EMP2: variants seen among roughly 807,000 people sequenced by gnomAD.
EMP2 encodes the protein epithelial membrane protein 2.
A neutral mutation model predicts 13.7 loss-of-function variants in EMP2; 19 were observed. The observed-to-expected ratio is 1.38, with a 90% CI of 0.97 to 2.03. The LOEUF (loss-of-function observed/expected upper bound fraction) is 2.03, where lower values mean the gene tolerates loss of function less well. Ranked by LOEUF, EMP2 falls within the 30% of genes most tolerant of loss-of-function variation. EMP2 has a pLI of 0.00. For synonymous variants in EMP2, 97 were observed against 84.7 expected (o/e 1.15, Z -0.80); for missense variants, 253 against 220.7 (o/e 1.15, Z -0.93).
At position 10,532,735 on chromosome 16, in the gene EMP2, T is replaced by G; in HGVS notation, c.*170A>C. The G allele has an allele frequency of 1.4e-5, 7 of 508,270 alleles. 1 individual carries two copies. Among genetic ancestry groups the G allele is most frequent in the African/African-American group, 3.0e-5 (1 of 33,120 alleles). 31.5% of individuals were successfully genotyped at this position (508,270 alleles called of 1,614,324 possible). On this transcript the variant is annotated 3_prime_UTR_variant, in exon 5 of 5. Coordinates refer to ENST00000359543, the MANE Select transcript of EMP2 (RefSeq NM_001424.6). ...CAAGAATGCAAAAACTCTTCTCTCT[T>G]TTGGATTTTTTTTTTCTTTTTTCTT...
At chr16:10,579,277 G>A (rs958778035) in intron 1 of EMP2, among the ~76,000 whole-genome samples, 10 of 152,304 alleles carry the variant, frequency 6.6e-5, no homozygotes, top group African/African-American at 2.4e-4. Flanking sequence ...ATTCCAGGAA[G>A]AGGTGCCCAG....
chr16:10,540,910 A>G (rs569082704), intron 3 of EMP2, among the ~76,000 whole-genome samples: 1 of 152,174 alleles, frequency 6.6e-6, no homozygotes, highest in East Asian at 1.9e-4. Context: ...CAACATGGTA[A>G]AACCCTGTCT....
Position 10,571,833 on chromosome 16 carries a change from C to G in EMP2, c.-61+8716G>C, listed in dbSNP as rs193072074. On this transcript the variant is annotated intron_variant, in intron 1 of 4. Coordinates refer to ENST00000359543, the MANE Select transcript of EMP2 (RefSeq NM_001424.6). ...TGAAGAGACAGAGGACTGCTCCAGGCTTCCACTGTAAGCCAGTGATGGGCG... is the reference window on the plus strand; with the variant it reads ...TGAAGAGACAGAGGACTGCTCCAGGGTTCCACTGTAAGCCAGTGATGGGCG... Among the ~76,000 whole-genome samples, 27 of 152,314 alleles carry G rather than the reference C, an allele frequency of 1.8e-4. No individual in the cohort carries two copies. The East Asian group carries it at 2.7e-3, about 15-fold the overall frequency.
At chr16:10,552,144 C>T (rs1455158357) in intron 1 of EMP2, among the ~76,000 whole-genome samples, 1 of 145,970 alleles carries the variant, frequency 6.9e-6, no homozygotes, top group Non-Finnish European at 1.5e-5. Flanking sequence ...TTAATAGATG[C>T]ATTTCTGACC....
At chr16:10,537,342 C>T (rs1464333152) in intron 4 of EMP2, among the ~76,000 whole-genome samples, 2 of 152,218 alleles carry the variant, frequency 1.3e-5, no homozygotes, top group Non-Finnish European at 2.9e-5. Flanking sequence ...CCTTGTTCAT[C>T]TCTTGAGCCC....
At chr16:10,558,785 A>C (rs2050851033) in intron 1 of EMP2, among the ~76,000 whole-genome samples, 1 of 152,012 alleles carries the variant, frequency 6.6e-6, no homozygotes, top group Admixed American at 6.6e-5. Flanking sequence ...TTTACGTGCC[A>C]GGGAACAAGA....
chr16:10,569,449 C>T (rs1474529793), intron 1 of EMP2, among the ~76,000 whole-genome samples: 3 of 152,142 alleles, frequency 2.0e-5, no homozygotes, highest in Non-Finnish European at 4.4e-5. Flanking sequence ...CCTTTTGCCT[C>T]AGCCTCCTAC....
intron 1 of EMP2, among the ~76,000 whole-genome samples, chr16:10,569,016 G>A (rs2050929144): frequency 6.6e-6 from 1 of 152,136 alleles, no homozygotes; most frequent in Non-Finnish European, 1.5e-5. Context: ...TAGAACTCCT[G>A]ACCTCAGGTG....
intron 3 of EMP2, 144 bp downstream of exon 3, chr16:10,543,424 GCA>G: frequency 1.2e-6 from 1 of 861,810 alleles, no homozygotes; most frequent in South Asian, 1.6e-5. Context: ...CTCCGCTCCA[GCA>G]CACACTGAGC....
rs549322939 is a variant in EMP2 at position 10,575,352 on chromosome 16, C to G, written c.-61+5197G>C. 3.3e-3 allele frequency among the ~76,000 whole-genome samples: 477 copies of G among 146,546 alleles called. 4 individuals are homozygous for G. The highest frequency in any genetic ancestry group is 3.6e-3 in the Non-Finnish European group (240 of 66,920). On this transcript the variant is annotated intron_variant, in intron 1 of 4. Coordinates refer to ENST00000359543, the MANE Select transcript of EMP2 (RefSeq NM_001424.6). ...CACTGCAAGCTCCGCCTCCCGGGTT[C>G]ACGCCATTTTCCTGCCTCAGCCTCC...
chr16:10,569,739 A>G (rs2050933858), intron 1 of EMP2, among the ~76,000 whole-genome samples: 1 of 152,232 alleles, frequency 6.6e-6, no homozygotes, highest in African/African-American at 2.4e-5. Flanking sequence ...CATCGCCTGT[A>G]TGCTACAGGA....
chr16:10,573,581 C>T (rs2050962479), intron 1 of EMP2, among the ~76,000 whole-genome samples: 1 of 152,204 alleles, frequency 6.6e-6, no homozygotes, highest in South Asian at 2.1e-4. Flanking sequence ...CACACCTGCA[C>T]AACCTCCATT....
chr16:10,579,011 C>A (rs1419557281), intron 1 of EMP2, among the ~76,000 whole-genome samples: 1 of 152,252 alleles, frequency 6.6e-6, no homozygotes, highest in Non-Finnish European at 1.5e-5. Flanking sequence ...AGGTCTAGTT[C>A]TTTGCATTTA....
In EMP2 at chr16:10,532,959, G is replaced by A. The variant is rs767283646; in HGVS notation, c.450C>T (p.Phe150=). The A allele has an allele frequency of 3.0e-5, 49 of 1,608,214 alleles. No individual in the cohort carries two copies. Among genetic ancestry groups the A allele is most frequent in the South Asian group, 1.7e-4 (15 of 89,790 alleles). Residue 150 remains phenylalanine (F), a synonymous_variant, in exon 5 of 5, where the codon TTC becomes TTT. Transcript: ENST00000359543. ...TCATGCCGCTGATGAAGGTGCAGGC[G>A]AAGGCCACCCACGCCAGGATGTAGG... ...GYSYILAWVA[F]ACTFISGMMY...
chr16:10,532,958 C>A lies in EMP2; in HGVS notation c.451G>T (p.Ala151Ser), dbSNP rs143506635. 1.2e-6 allele frequency: 2 copies of A among 1,607,962 alleles called. No homozygotes were observed. The highest frequency in any genetic ancestry group is 8.5e-7 in the Non-Finnish European group (1 of 1,177,176). Reference sequence around the variant, plus strand: ...ATCATGCCGCTGATGAAGGTGCAGGCGAAGGCCACCCACGCCAGGATGTAG... The same window carrying A: ...ATCATGCCGCTGATGAAGGTGCAGGAGAAGGCCACCCACGCCAGGATGTAG... ...YSYILAWVAF[A>S]CTFISGMMYL... The change falls in exon 5 of 5, where the codon GCC (alanine) becomes TCC (serine). Residue 151 changes from alanine to serine, a missense_variant. Physicochemically the swap from Ala to Ser is moderately conservative, Grantham distance 99. Coordinates refer to ENST00000359543, the MANE Select transcript of EMP2 (RefSeq NM_001424.6).
chr16:10,575,514 A>T (rs2050978461), intron 1 of EMP2, among the ~76,000 whole-genome samples: 1 of 151,888 alleles, frequency 6.6e-6, no homozygotes, highest in Non-Finnish European at 1.5e-5. Context: ...TCGGCCTCCC[A>T]AAGTTCTGGG....
chr16:10,539,296 A>G (rs1274350984), intron 3 of EMP2, among the ~76,000 whole-genome samples: 1 of 152,054 alleles, frequency 6.6e-6, no homozygotes, highest in East Asian at 1.9e-4. Flanking sequence ...CTGAAAACTC[A>G]CTGGAGTGAA....
At position 10,532,751 on chromosome 16, in the gene EMP2, C is replaced by CTTT; in HGVS notation, c.*151_*153dup. On this transcript the variant is annotated 3_prime_UTR_variant, in exon 5 of 5. Transcript: ENST00000359543. ...CTTCTCTCTTTTGGATTTTTTTTTT[C>CTTT]TTTTTTCTTTTTTTTTTTTTTTTTT... 5.0e-6 allele frequency: 1 copy of CTTT among 199,580 alleles called. No individual in the cohort carries two copies. The highest frequency in any genetic ancestry group is 6.9e-6 in the Non-Finnish European group (1 of 145,886). 12.4% of individuals were successfully genotyped at this position (199,580 alleles called of 1,614,324 possible).
rs1357946816 is a variant in EMP2, at chr16:10,528,927, C to T, written c.*3978G>A. 6.6e-6 allele frequency: 1 copy of T among 152,138 alleles called. No homozygotes were observed. Among genetic ancestry groups the T allele is most frequent in the Non-Finnish European group, 1.5e-5 (1 of 68,034 alleles). The allele number at this position is 152,138 out of a possible 1,614,324, so 9.4% of individuals were successfully genotyped here. ...TCAGTGAACACAGAGCGTCCTAGAG[C>T]GCCAGCCTGTTCATGAGGGGTGTCC... On this transcript the variant is annotated 3_prime_UTR_variant, in exon 5 of 5. Coordinates refer to ENST00000359543, the MANE Select transcript of EMP2 (RefSeq NM_001424.6).
Sources: allele counts gnomAD v4.1 joint callset (sites outside exome capture counted in the v4.1 genomes callset), GRCh38; gene constraint gnomAD v4.1.1; transcripts MANE v1.5; gene names NCBI Gene and HGNC (gene_info 2026-07-23, HGNC 2026-07-21).